The following PLCH1 variants were observed in gnomAD, a reference collection of about 807,000 sequenced individuals.
PLCH1 encodes 1-phosphatidylinositol 4,5-bisphosphate phosphodiesterase eta-1.
In PLCH1, 60 loss-of-function variants were observed where a neutral mutation model predicts 126.7. The observed-to-expected ratio is 0.47, with a 90% CI of 0.38 to 0.59. The LOEUF (loss-of-function observed/expected upper bound fraction) is 0.59, where lower values mean the gene tolerates loss of function less well. Ranked by LOEUF, PLCH1 falls within the 20% of genes least tolerant of loss-of-function variation. The pLI is 0.00. For missense variants in PLCH1, 1,723 were observed against 2,040.0 expected (o/e 0.84, Z 2.99); for synonymous variants, 719 against 734.9 (o/e 0.98, Z 0.35).
At chr3:155,706,593 C>T (rs6769113) in intron 1 of PLCH1, among the ~76,000 whole-genome samples, 9,970 of 149,734 alleles carry the variant, frequency 0.067, 380 homozygotes, top group Middle Eastern at 0.1. Flanking sequence ...GCACTCCGGC[C>T]TGGGCGACAA....
At position 155,657,822 on chromosome 3, in the gene PLCH1, T is replaced by C. The variant is rs142201835; in HGVS notation, c.79+46324A>G. On this transcript the variant is annotated intron_variant, in intron 2 of 22. Transcript: ENST00000460012. ...AGAGACTGGAAGCCAAGAAAGCTGATACTAGTGGCAAAGTGAAAAAGGGTA... is the reference window on the plus strand; with the variant it reads ...AGAGACTGGAAGCCAAGAAAGCTGACACTAGTGGCAAAGTGAAAAAGGGTA... 7.2e-3 allele frequency: 1,092 copies of C among 152,282 alleles called. 28 individuals carry two copies. The highest frequency in any genetic ancestry group is 0.046 in the Admixed American group (710 of 15,296). 9.4% of individuals were successfully genotyped at this position (152,282 alleles called of 1,614,324 possible).
intron 4 of PLCH1, among the ~76,000 whole-genome samples, chr3:155,586,839 T>C (rs1448757178): frequency 6.6e-6 from 1 of 152,188 alleles, no homozygotes; most frequent in Non-Finnish European, 1.5e-5. Context: ...TGCAAAACAC[T>C]ATATCACTAT....
chr3:155,550,245 T>C (rs1300394688), intron 9 of PLCH1, among the ~76,000 whole-genome samples: 2 of 152,212 alleles, frequency 1.3e-5, no homozygotes, highest in African/African-American at 4.8e-5. Flanking sequence ...ATTATGTTTC[T>C]TTTAAAAGAA....
intron 2 of PLCH1, among the ~76,000 whole-genome samples, chr3:155,697,328 G>A (rs775140101): frequency 3.9e-5 from 6 of 152,116 alleles, no homozygotes; most frequent in Non-Finnish European, 8.8e-5. Flanking sequence ...GGAGTCCAAG[G>A]AGAGCTGTCA....
intron 2 of PLCH1, among the ~76,000 whole-genome samples, chr3:155,618,317 C>T (rs1160240470): frequency 6.6e-6 from 1 of 152,034 alleles, no homozygotes; most frequent in African/African-American, 2.4e-5. Context: ...CAAAATATCA[C>T]CCATTTTTCT....
At chr3:155,706,610 C>T (rs1036086831) in intron 1 of PLCH1, among the ~76,000 whole-genome samples, 20 of 131,170 alleles carry the variant, frequency 1.5e-4, no homozygotes, top group Middle Eastern at 3.7e-3. Flanking sequence ...ACAAAGACTC[C>T]GTCTCAAAAA....
chr3:155,607,573 T>C (rs1381625318), intron 2 of PLCH1, among the ~76,000 whole-genome samples: 1 of 151,990 alleles, frequency 6.6e-6, no homozygotes, highest in African/African-American at 2.4e-5. Flanking sequence ...TTCTGAGTGC[T>C]GGGAGTAGAG....
intron 10 of PLCH1, among the ~76,000 whole-genome samples, chr3:155,535,508 G>A (rs1723232720): frequency 1.3e-5 from 2 of 152,184 alleles, no homozygotes. Flanking sequence ...GTCACTGCCA[G>A]CTTTCCCCAC....
chr3:155,469,312 G>A lies in PLCH1; in HGVS notation c.2938+16044C>T, dbSNP rs559965695. ...CCCTTTCCGAGTCAAAGAAAGGGGT[G>A]ATGGACACACCTGGAAAATCAGGTC... On this transcript the variant is annotated intron_variant, in intron 21 of 21. Transcript: ENST00000494598. 4.6e-5 allele frequency among the ~76,000 whole-genome samples: 7 copies of A among 152,340 alleles called. No individual in the cohort carries two copies. The South Asian group carries it at 1.5e-3, about 32-fold the overall frequency.
intron 2 of PLCH1, among the ~76,000 whole-genome samples, chr3:155,622,897 T>A (rs1419084461): frequency 6.6e-6 from 1 of 152,166 alleles, no homozygotes; most frequent in Admixed American, 6.6e-5. Context: ...TGAACTCAGC[T>A]CTGGAACCAG....
At chr3:155,743,712 T>TG in intron 1 of PLCH1, 2 of 355,764 alleles carry the variant, frequency 5.6e-6, no homozygotes, top group Non-Finnish European at 1.1e-5. Context: ...CATTATACTC[T>TG]GGTCCCTTTT....
chr3:155,741,685 T>TTTTATTTTTTTTTTATTTTTTA (rs1491520986), intron 1 of PLCH1, among the ~76,000 whole-genome samples: 1 of 57,326 alleles, frequency 1.7e-5, no homozygotes, highest in Non-Finnish European at 3.2e-5. Flanking sequence ...TTATATCCTC[T>TTTTATTTTTTTTTTATTTTTTA]TTTTTTTTTT....
intron 10 of PLCH1, among the ~76,000 whole-genome samples, chr3:155,537,204 A>C (rs1723518661): frequency 8.8e-3 from 45 of 5,134 alleles, no homozygotes; most frequent in African/African-American, 0.016. Context: ...AAAAAAACCA[A>C]AAAAAAAAAA....
chr3:155,492,848 A>G lies in PLCH1; in HGVS notation c.2188T>C (p.Phe730Leu). 6.3e-7 allele frequency: 1 copy of G among 1,598,098 alleles called. No individual in the cohort carries two copies. The highest frequency in any genetic ancestry group is 8.5e-7 in the Non-Finnish European group (1 of 1,173,472). The change falls in exon 18 of 23, where the codon TTC becomes CTC. Residue 730 changes from phenylalanine (F) to leucine (L), a missense_variant. Physicochemically the swap from Phe to Leu is conservative, Grantham distance 22. This residue lies in a region of PLCH1 where 776 missense variants were observed against 1,062.9 expected (regional missense o/e 0.73). Transcript: ENST00000460012. ...LKPQQMCKGT[F>L]NPFSGDPLPA... ...AGAGGGTCACCAGAGAAAGGGTTGA[A>G]AGTACCTAGGCCAAGTAAAGTATAA... is the stretch of plus-strand genomic sequence containing the variant.
chr3:155,590,158 T>C (rs1005977385), intron 4 of PLCH1, among the ~76,000 whole-genome samples: 2 of 152,242 alleles, frequency 1.3e-5, no homozygotes, highest in African/African-American at 4.8e-5. Context: ...AATTTCATTA[T>C]TCTCATTTTT....
At chr3:155,505,101 T>A (rs1718459842) in intron 12 of PLCH1, among the ~76,000 whole-genome samples, 1 of 152,246 alleles carries the variant, frequency 6.6e-6, no homozygotes, top group South Asian at 2.1e-4. Context: ...AACAGTGCTA[T>A]GTGGGATTTT....
In PLCH1 at chr3:155,594,041, T is replaced by C; in HGVS notation, c.370A>G (p.Asn124Asp). ...HMESLDLITS[N>D]PEEARTWITG... ...ATCCAGGTGCGGGCCTCCTCGGGGTTGGAGGTGATGAGGTCCAGGGACTCC... is the reference window on the plus strand; with the variant it reads ...ATCCAGGTGCGGGCCTCCTCGGGGTCGGAGGTGATGAGGTCCAGGGACTCC... The change falls in exon 4 of 23, where the codon AAC (asparagine) becomes GAC (aspartate). Residue 124 changes from asparagine to aspartate, a missense_variant. This residue lies in a region of PLCH1 where 776 missense variants were observed against 1,062.9 expected (regional missense o/e 0.73). Transcript: ENST00000460012. 6.2e-7 allele frequency: 1 copy of C among 1,613,954 alleles called. No individual in the cohort carries two copies. The highest frequency in any genetic ancestry group is 8.5e-7 in the Non-Finnish European group (1 of 1,179,980).
At chr3:155,490,713 AC>A in intron 19 of PLCH1, 70 bp downstream of exon 19, 1 of 863,744 alleles carries the variant, frequency 1.2e-6, no homozygotes, top group Non-Finnish European at 1.9e-6. Flanking sequence ...TTCTACATAG[AC>A]ACTTTTTTTA....
At chr3:155,538,840 C>T (rs1204178394) in intron 10 of PLCH1, among the ~76,000 whole-genome samples, 2 of 151,858 alleles carry the variant, frequency 1.3e-5, no homozygotes, top group Non-Finnish European at 2.9e-5. Context: ...AGAACTGGTA[C>T]CAAATCTATT....
Sources: allele counts gnomAD v4.1 joint callset (sites outside exome capture counted in the v4.1 genomes callset), GRCh38; gene constraint gnomAD v4.1.1; regional missense constraint gnomAD v4.1.1; transcripts MANE v1.5; gene names NCBI Gene and HGNC (gene_info 2026-07-23, HGNC 2026-07-21).